ENOX2: variants seen among roughly 807,000 people sequenced by gnomAD.
ENOX2 encodes the protein ecto-NOX disulfide-thiol exchanger 2, also known as APK1 antigen.
Under a neutral mutation model 45.0 loss-of-function variants are expected in ENOX2, and 36 were observed. The ratio of observed to expected loss-of-function variants is 0.80; its 90% CI spans 0.61 to 1.06. The LOEUF (loss-of-function observed/expected upper bound fraction) is 1.06. ENOX2 is among the 50% of genes least tolerant of loss of function. The pLI is 0.00. For synonymous variants in ENOX2, 174 were observed against 152.3 expected (o/e 1.14, Z -1.05); for missense variants, 423 against 462.5 (o/e 0.91, Z 0.78).
chrX:130,883,502 T>G (rs1019897441), intron 2 of ENOX2, among the ~76,000 whole-genome samples: 3 of 111,941 alleles, frequency 2.7e-5, no homozygotes, highest in Non-Finnish European at 5.6e-5. Context: ...TCAGTATAGT[T>G]TAGCAGCCCC....
At chrX:130,633,591 G>C (rs750395459) in intron 12 of ENOX2, among the ~76,000 whole-genome samples, 1 of 112,775 alleles carries the variant, frequency 8.9e-6, no homozygotes, top group Non-Finnish European at 1.9e-5. Flanking sequence ...AATATGGCAA[G>C]TTTCTTCTAT....
chrX:130,816,701 G>A (rs1291615120), intron 2 of ENOX2, among the ~76,000 whole-genome samples: 1 of 111,706 alleles, frequency 9.0e-6, no homozygotes, highest in African/African-American at 3.3e-5. Flanking sequence ...AAATAAATAC[G>A]TTCTTTGACA....
At chrX:130,628,738 C>CAGG (rs916523999) in intron 13 of ENOX2, among the ~76,000 whole-genome samples, 5 of 112,235 alleles carry the variant, frequency 4.5e-5, no homozygotes, top group African/African-American at 1.6e-4. Flanking sequence ...TTACAGCCTC[C>CAGG]AGGAATGCCC....
intron 2 of ENOX2, among the ~76,000 whole-genome samples, chrX:130,884,764 G>C (rs957454650): frequency 9.0e-6 from 1 of 111,647 alleles, no homozygotes; most frequent in Admixed American, 9.5e-5. Context: ...CACAGAGACA[G>C]AGACAGACAG....
chrX:130,839,216 T>A (rs1313679150), intron 2 of ENOX2, among the ~76,000 whole-genome samples: 3 of 112,343 alleles, frequency 2.7e-5, no homozygotes, highest in African/African-American at 9.7e-5. Context: ...CAGTAAAGAA[T>A]ACTGAGAAGA....
intron 4 of ENOX2, 142 bp from the exon 5 acceptor site, chrX:130,689,160 G>C (rs1332047337): frequency 2.2e-6 from 1 of 451,036 alleles, no homozygotes. Context: ...GTATTCCCAG[G>C]TCTTAAATAT....
At chrX:130,750,445 TG>T (rs1363835127) in intron 3 of ENOX2, among the ~76,000 whole-genome samples, 1 of 111,932 alleles carries the variant, frequency 8.9e-6, no homozygotes, top group Non-Finnish European at 1.9e-5. Context: ...CTTGTTTCTC[TG>T]GGTGTCTGCA....
rs2077295813 is a variant in ENOX2, at chrX:130,806,116, A to G, written c.-182-22426T>C. ...AAGGATGCTATGAATCACAGATGAC[A>G]GAACCAGAAAAACGCTTGCTCTAGT... On this transcript the variant is annotated intron_variant, in intron 2 of 14. Coordinates refer to ENST00000394363, the MANE Select transcript of ENOX2 (RefSeq NM_006375.4). 2.7e-5 allele frequency among the ~76,000 whole-genome samples: 3 copies of G among 111,923 alleles called. No homozygotes were observed. The Admixed American group carries it at 2.8e-4, about 11-fold the overall frequency.
chrX:130,859,952 T>C (rs1284095783), intron 2 of ENOX2, among the ~76,000 whole-genome samples: 3 of 110,009 alleles, frequency 2.7e-5, no homozygotes, highest in Non-Finnish European at 5.7e-5. Flanking sequence ...CCTTGTCTTC[T>C]CCGAAACTAT....
At chrX:130,730,165 T>G (rs572530339) in intron 3 of ENOX2, among the ~76,000 whole-genome samples, 11 of 112,318 alleles carry the variant, frequency 9.8e-5, no homozygotes, top group South Asian at 3.7e-4. Context: ...TATACGCACA[T>G]GTATATACAC....
chrX:130,751,641 G>A (rs2039224032), intron 3 of ENOX2, among the ~76,000 whole-genome samples: 1 of 112,017 alleles, frequency 8.9e-6, no homozygotes, highest in African/African-American at 3.2e-5. Flanking sequence ...CCACCAAAGT[G>A]TTTTCTAAGT....
At chrX:130,821,658 A>C (rs1185697189) in intron 2 of ENOX2, among the ~76,000 whole-genome samples, 1 of 88,009 alleles carries the variant, frequency 1.1e-5, no homozygotes, top group East Asian at 3.6e-4. Context: ...AACCTGCACA[A>C]TGTGCACATG....
At chrX:130,660,278 T>C (rs1307933439) in intron 9 of ENOX2, among the ~76,000 whole-genome samples, 2 of 112,067 alleles carry the variant, frequency 1.8e-5, no homozygotes, top group Non-Finnish European at 3.8e-5. Context: ...GCAGAGGTTA[T>C]GGAGTACTAT....
At chrX:130,787,808 C>G (rs1411312445) in intron 2 of ENOX2, among the ~76,000 whole-genome samples, 1 of 111,624 alleles carries the variant, frequency 9.0e-6, no homozygotes, top group African/African-American at 3.3e-5. Context: ...CATGACAATT[C>G]AGTACAACAT....
chrX:130,747,579 C>T (rs1333075653), intron 3 of ENOX2, among the ~76,000 whole-genome samples: 2 of 112,260 alleles, frequency 1.8e-5, no homozygotes, highest in African/African-American at 6.5e-5. Flanking sequence ...TGGTTGACTC[C>T]CAGTACTATA....
At chrX:130,694,479 C>T (rs150055933) in intron 4 of ENOX2, among the ~76,000 whole-genome samples, 2,850 of 111,214 alleles carry the variant, frequency 0.026, 27 homozygotes, top group Middle Eastern at 0.079. Context: ...AGTTGTCTAC[C>T]AAACCGTAGA....
chrX:130,778,988 C>T (rs1189799465), intron 3 of ENOX2, among the ~76,000 whole-genome samples: 4 of 112,611 alleles, frequency 3.6e-5, no homozygotes, highest in African/African-American at 1.3e-4. Context: ...CGATTTTAGT[C>T]ATCATCCAGT....
rs866148261 is a variant in ENOX2, at chrX:130,892,418, G to A, written c.-183+9266C>T. Among the ~76,000 whole-genome samples, 19 of 112,441 alleles carry A rather than the reference G, an allele frequency of 1.7e-4. 1 individual carries two copies. In the Middle Eastern group the frequency reaches 0.014, roughly 82 times the overall value. On this transcript the variant is annotated intron_variant, in intron 2 of 14. Coordinates refer to ENST00000394363, the MANE Select transcript of ENOX2 (RefSeq NM_006375.4). The stretch of plus-strand genomic sequence containing the variant: ...CCCATCCTTTTAAAGAAAAAGCTCG[G>A]AAGTAGCAGACAGTACTGCTGGAAG...
At chrX:130,658,882 A>G (rs2036611759) in intron 9 of ENOX2, among the ~76,000 whole-genome samples, 1 of 112,460 alleles carries the variant, frequency 8.9e-6, no homozygotes, top group Admixed American at 9.4e-5. Flanking sequence ...GAAAATGCTG[A>G]AGAAAGTTCT....
Sources: allele counts gnomAD v4.1 joint callset (sites outside exome capture counted in the v4.1 genomes callset), GRCh38; gene constraint gnomAD v4.1.1; transcripts MANE v1.5; gene names NCBI Gene and HGNC (gene_info 2026-07-23, HGNC 2026-07-21).